The following CATSPERT variants were observed in gnomAD, a reference collection of about 807,000 sequenced individuals.
CATSPERT encodes the protein catsper channel auxiliary subunit tau, also known as cation channel sperm-associated targeting subunit tau.
At chr2:201,603,414 G>T in the CATSPERT span, 2 of 628,294 alleles carry the variant, frequency 3.2e-6, no homozygotes, top group Admixed American at 3.8e-5. Context: ...TGTTTCTCAT[G>T]AAAAATATCT....
chr2:201,542,158 T>G, the CATSPERT span, among the ~76,000 whole-genome samples: 8 of 109,858 alleles, frequency 7.3e-5, no homozygotes, highest in Non-Finnish European at 8.3e-5. Context: ...GTAATGTTTA[T>G]ATGCCCTAGG....
At chr2:201,586,621 TATA>T in the CATSPERT span, among the ~76,000 whole-genome samples, 2 of 152,086 alleles carry the variant, frequency 1.3e-5, no homozygotes, top group African/African-American at 4.8e-5. Flanking sequence ...ATTTTTCTAA[TATA>T]ATATTCTATT....
At chr2:201,507,641 T>G in the CATSPERT span, among the ~76,000 whole-genome samples, 1 of 152,206 alleles carries the variant, frequency 6.6e-6, no homozygotes, top group African/African-American at 2.4e-5. Context: ...AAACAGCTCA[T>G]GTACATAAGG....
At chr2:201,565,793 C>T in the CATSPERT span, 2 of 1,610,212 alleles carry the variant, frequency 1.2e-6, no homozygotes, top group African/African-American at 1.3e-5. Context: ...GAGGATTGCA[C>T]AGCTGGAGTC....
the CATSPERT span, chr2:201,547,681 A>G: frequency 1.4e-6 from 1 of 736,818 alleles, no homozygotes; most frequent in Non-Finnish European, 2.1e-6. Context: ...GATTCACAGA[A>G]GAATACTTGC....
chr2:201,572,175 G>C, the CATSPERT span, among the ~76,000 whole-genome samples: 2 of 152,174 alleles, frequency 1.3e-5, no homozygotes, highest in Non-Finnish European at 2.9e-5. Flanking sequence ...GGAATTAAGA[G>C]AGGAAAGAAG....
the CATSPERT span, chr2:201,495,834 G>T: frequency 1.8e-6 from 2 of 1,125,082 alleles, no homozygotes; most frequent in Non-Finnish European, 2.6e-6. Context: ...TTGAATTAAA[G>T]TATTGAAGAA....
chr2:201,531,486 T>C, the CATSPERT span, among the ~76,000 whole-genome samples: 1 of 151,982 alleles, frequency 6.6e-6, no homozygotes, highest in Non-Finnish European at 1.5e-5. Flanking sequence ...AGACAATAAA[T>C]GACTAAAGAA....
the CATSPERT span, among the ~76,000 whole-genome samples, chr2:201,609,233 A>T: frequency 2.0e-5 from 3 of 152,224 alleles, no homozygotes; most frequent in African/African-American, 7.2e-5. Flanking sequence ...ACTCCAATAC[A>T]ATAATATCTG....
the CATSPERT span, among the ~76,000 whole-genome samples, chr2:201,532,906 G>C: frequency 2.6e-5 from 4 of 152,158 alleles, no homozygotes; most frequent in Non-Finnish European, 5.9e-5. Context: ...ACAAGGGTAT[G>C]GCTGTAAGAT....
At chr2:201,518,213 G>A in the CATSPERT span, among the ~76,000 whole-genome samples, 90,904 of 151,996 alleles carry the variant, frequency 0.6, 28,990 homozygotes, top group East Asian at 0.96. Flanking sequence ...ATGGTGGTTG[G>A]GGTGGAGGTA....
the CATSPERT span, among the ~76,000 whole-genome samples, chr2:201,511,337 T>C: frequency 6.6e-6 from 1 of 152,214 alleles, no homozygotes; most frequent in Non-Finnish European, 1.5e-5. Context: ...GTGTCTATTA[T>C]GTTCCAAGCC....
the CATSPERT span, among the ~76,000 whole-genome samples, chr2:201,489,596 T>G: frequency 6.6e-6 from 1 of 152,188 alleles, no homozygotes; most frequent in Non-Finnish European, 1.5e-5. Context: ...AATAGTTTGC[T>G]TTACTGTGGA....
At chr2:201,545,695 C>T in the CATSPERT span, 3 of 927,418 alleles carry the variant, frequency 3.2e-6, no homozygotes, top group Non-Finnish European at 4.3e-6. Context: ...AGAACGAAAA[C>T]ATTTTCCTCT....
the CATSPERT span, among the ~76,000 whole-genome samples, chr2:201,488,672 C>T: frequency 6.6e-6 from 1 of 151,978 alleles, no homozygotes; most frequent in East Asian, 1.9e-4. Flanking sequence ...CAAAGATAGC[C>T]ACACCAAGGG....
chr2:201,501,941 T>A, the CATSPERT span, among the ~76,000 whole-genome samples: 12 of 152,208 alleles, frequency 7.9e-5, no homozygotes, highest in Admixed American at 7.9e-4. Flanking sequence ...ATAGCTTTTA[T>A]GAATACTGCT....
the CATSPERT span, among the ~76,000 whole-genome samples, chr2:201,545,940 AG>A: frequency 6.6e-6 from 1 of 152,172 alleles, no homozygotes; most frequent in Non-Finnish European, 1.5e-5. Context: ...TTGTAACTTC[AG>A]GGGGTATGAG....
the CATSPERT span, among the ~76,000 whole-genome samples, chr2:201,524,286 C>G: frequency 6.6e-6 from 1 of 152,114 alleles, no homozygotes; most frequent in African/African-American, 2.4e-5. Flanking sequence ...CAGCAGAAAC[C>G]TTATATGCCA....
the CATSPERT span, among the ~76,000 whole-genome samples, chr2:201,586,117 C>T: frequency 7.2e-5 from 11 of 152,090 alleles, no homozygotes; most frequent in East Asian, 3.8e-4. Flanking sequence ...ATTTTTTTAA[C>T]GTTTTCTTTT....
Sources: gnomAD v4.1 joint callset for allele counts (sites outside exome capture counted in the v4.1 genomes callset) on GRCh38, gnomAD v4.1.1 for gene constraint, MANE v1.5 for transcripts, NCBI Gene and HGNC (gene_info 2026-07-23, HGNC 2026-07-21) for gene names.